The following DOCK4 variants were observed in gnomAD, a reference collection of about 807,000 sequenced individuals.
DOCK4 encodes the protein dedicator of cytokinesis protein 4.
A neutral mutation model predicts 268.1 loss-of-function variants in DOCK4; 97 were observed. The observed-to-expected ratio is 0.36, with a 90% CI of 0.31 to 0.43. The LOEUF is 0.43. Ranked by LOEUF, DOCK4 falls within the 20% of genes least tolerant of loss-of-function variation. The pLI is 1.00. For missense variants in DOCK4, 2,145 were observed against 2,455.7 expected, an observed-to-expected ratio of 0.87 and a Z score of 2.67; for synonymous variants, 954 against 887.2, an observed-to-expected ratio of 1.08 and a Z score of -1.34.
In DOCK4 at chr7:112,187,195, C is replaced by G. The variant is rs554398533; in HGVS notation, c.37+18907G>C. 2.6e-5 allele frequency among the ~76,000 whole-genome samples: 4 copies of G among 152,194 alleles called. No individual in the cohort carries two copies. In the South Asian group the frequency reaches 8.3e-4, roughly 32 times the overall value. On this transcript the variant is annotated intron_variant, in intron 1 of 52. Coordinates refer to ENST00000428084, the MANE Select transcript of DOCK4 (RefSeq NM_001363540.2). ...AGCAAAATAACTCACGTGTTACAAC[C>G]ATAATTACTTCTATAACTAGAAAAT...
chr7:111,948,677 C>T (rs185618532), intron 8 of DOCK4, among the ~76,000 whole-genome samples: 48 of 151,840 alleles, frequency 3.2e-4, no homozygotes, highest in African/African-American at 9.9e-4. Context: ...TCATTGCAAC[C>T]TCTACCTCCC....
intron 28 of DOCK4, 46 bp from the exon 29 acceptor site, chr7:111,809,447 A>T (rs1483984848): frequency 1.0e-5 from 15 of 1,463,092 alleles, no homozygotes; most frequent in Non-Finnish European, 1.1e-5. Flanking sequence ...TTACAAGCAT[A>T]TTGACAGGTG....
In DOCK4 at chr7:112,074,046, G is replaced by GA. The variant is rs563170289; in HGVS notation, c.38-69916dup. ...TTACATGTCCAGTAAAAATAAAAGA[G>GA]AAAAAATAGTTGTATCTAAAATGAG... On this transcript the variant is annotated intron_variant, in intron 1 of 52. Coordinates refer to ENST00000428084, the MANE Select transcript of DOCK4 (RefSeq NM_001363540.2). Among the ~76,000 whole-genome samples the GA allele has an allele frequency of 2.3e-3, 345 of 152,170 alleles. 2 individuals are homozygous for GA. Among genetic ancestry groups the GA allele is most frequent in the African/African-American group, 8.0e-3 (334 of 41,544 alleles).
At chr7:111,983,849 C>T (rs980463077) in intron 7 of DOCK4, among the ~76,000 whole-genome samples, 5 of 77,022 alleles carry the variant, frequency 6.5e-5, no homozygotes, top group Admixed American at 1.4e-4. Flanking sequence ...CACACACGCG[C>T]GCGCGCGCGC....
At chr7:112,005,649 C>G (rs1198881518) in intron 1 of DOCK4, among the ~76,000 whole-genome samples, 50 of 152,318 alleles carry the variant, frequency 3.3e-4, no homozygotes, top group Admixed American at 3.3e-3. Context: ...ATTTAAAAGA[C>G]TTCAAGCCAA....
chr7:111,918,387 G>T (rs1045900910), intron 12 of DOCK4, among the ~76,000 whole-genome samples: 1 of 152,126 alleles, frequency 6.6e-6, no homozygotes, highest in Non-Finnish European at 1.5e-5. Context: ...TTAGGTGACC[G>T]ATGACAATAA....
chr7:111,883,412 ACT>A lies in DOCK4; in HGVS notation c.1588-6228_1588-6227del, dbSNP rs555865601. Among the ~76,000 whole-genome samples, 579 of 151,706 alleles carry A rather than the reference ACT, an allele frequency of 3.8e-3. 2 individuals are homozygous for A. The highest frequency in any genetic ancestry group is 5.9e-3 in the Non-Finnish European group (402 of 67,910). Reference sequence around the variant, plus strand: ...GTCTCATGCCAAACCCAGCCCAGACACTCTGTCCTGCTATTTCCAGGCCTCCT... The same window carrying A: ...GTCTCATGCCAAACCCAGCCCAGACACTGTCCTGCTATTTCCAGGCCTCCT... On this transcript the variant is annotated intron_variant, in intron 16 of 52. Coordinates refer to ENST00000428084, the MANE Select transcript of DOCK4 (RefSeq NM_001363540.2).
At chr7:112,160,007 G>C (rs942360869) in intron 1 of DOCK4, among the ~76,000 whole-genome samples, 9 of 151,956 alleles carry the variant, frequency 5.9e-5, no homozygotes, top group African/African-American at 2.2e-4. Context: ...ACTCCAATGA[G>C]CATTTCAGGC....
Position 111,742,640 on chromosome 7 carries a change from G to A in DOCK4, c.4678-508C>T, listed in dbSNP as rs548642571. Among the ~76,000 whole-genome samples the A allele has an allele frequency of 1.8e-3, 273 of 152,232 alleles. 2 individuals carry two copies. Among genetic ancestry groups the A allele is most frequent in the African/African-American group, 6.4e-3 (264 of 41,538 alleles). Reference sequence around the variant, plus strand: ...CTTTCAGAATCTGCCAGGGAGGATGGAAAAAACAAAACAAAAAGGAATTCT... The same window carrying A: ...CTTTCAGAATCTGCCAGGGAGGATGAAAAAAACAAAACAAAAAGGAATTCT... On this transcript the variant is annotated intron_variant, in intron 44 of 52. Coordinates refer to ENST00000428084, the MANE Select transcript of DOCK4 (RefSeq NM_001363540.2).
At chr7:111,847,972 G>GT (rs903509191) in intron 23 of DOCK4, among the ~76,000 whole-genome samples, 33 of 152,178 alleles carry the variant, frequency 2.2e-4, no homozygotes, top group African/African-American at 7.5e-4. Flanking sequence ...TTTTTGCTTG[G>GT]TTTTTTCTCT....
intron 25 of DOCK4, among the ~76,000 whole-genome samples, chr7:111,836,463 C>A (rs1457589797): frequency 1.3e-5 from 2 of 151,698 alleles, no homozygotes; most frequent in Non-Finnish European, 2.9e-5. Flanking sequence ...GTAAAATTCA[C>A]AATAACTGGC....
chr7:111,789,650 G>A (rs970520339), intron 31 of DOCK4, among the ~76,000 whole-genome samples: 6 of 152,114 alleles, frequency 3.9e-5, no homozygotes, highest in African/African-American at 4.8e-5. Flanking sequence ...TGTGTATACC[G>A]ATACAGGTGA....
intron 1 of DOCK4, among the ~76,000 whole-genome samples, chr7:112,195,383 T>C (rs1820329755): frequency 6.6e-6 from 1 of 152,238 alleles, no homozygotes. Context: ...TCCAGACTAC[T>C]GGAGAAAACC....
At chr7:111,924,988 A>G (rs993462003) in intron 12 of DOCK4, among the ~76,000 whole-genome samples, 4 of 149,804 alleles carry the variant, frequency 2.7e-5, no homozygotes, top group African/African-American at 9.8e-5. Context: ...ACTACAAAAA[A>G]TTACTAACAT....
chr7:112,072,960 C>T (rs555176989), intron 1 of DOCK4, among the ~76,000 whole-genome samples: 13 of 152,284 alleles, frequency 8.5e-5, no homozygotes, highest in South Asian at 2.1e-4. Flanking sequence ...CAGGCCACTG[C>T]GCATGCAGAC....
intron 8 of DOCK4, among the ~76,000 whole-genome samples, chr7:111,950,889 T>C (rs1361076343): frequency 6.6e-6 from 1 of 152,230 alleles, no homozygotes; most frequent in Non-Finnish European, 1.5e-5. Flanking sequence ...GAATACTGTC[T>C]TCCTCTTCTT....
intron 30 of DOCK4, among the ~76,000 whole-genome samples, chr7:111,803,354 T>A (rs1405435273): frequency 6.6e-6 from 1 of 152,240 alleles, no homozygotes; most frequent in Non-Finnish European, 1.5e-5. Context: ...CAAAATAAAC[T>A]TCATTTAAAT....
chr7:111,843,064 C>T (rs1803821495), intron 25 of DOCK4, among the ~76,000 whole-genome samples: 5 of 152,152 alleles, frequency 3.3e-5, no homozygotes, highest in Admixed American at 1.3e-4. Flanking sequence ...AAAAGACAAT[C>T]AATAGATGTC....
rs576560247 is a variant in DOCK4, at chr7:112,155,146, G to A, written c.37+50956C>T. On this transcript the variant is annotated intron_variant, in intron 1 of 52. Transcript: ENST00000428084. ...GCTTTTTAGAGATCAGCAGCATAGCGCTTTTTCTTTTATGTGACACTGTTT... is the reference window on the plus strand; with the variant it reads ...GCTTTTTAGAGATCAGCAGCATAGCACTTTTTCTTTTATGTGACACTGTTT... 1.4e-4 allele frequency among the ~76,000 whole-genome samples: 21 copies of A among 152,194 alleles called. 1 individual carries two copies. The highest frequency in any genetic ancestry group is 1.4e-3 in the Admixed American group (21 of 15,284).
Sources: gnomAD v4.1 joint callset for allele counts (sites outside exome capture counted in the v4.1 genomes callset) on GRCh38, gnomAD v4.1.1 for gene constraint, MANE v1.5 for transcripts, NCBI Gene and HGNC (gene_info 2026-07-23, HGNC 2026-07-21) for gene names.